The following KCNJ6 variants were observed in gnomAD, a reference collection of about 807,000 sequenced individuals.
The protein encoded by KCNJ6 is G protein-activated inward rectifier potassium channel 2.
In KCNJ6, 9 loss-of-function variants were observed where a neutral mutation model predicts 34.2. The observed-to-expected ratio is 0.26, with a 90% CI of 0.16 to 0.46. The LOEUF (loss-of-function observed/expected upper bound fraction) is 0.46. KCNJ6 is among the 20% of genes least tolerant of loss of function. The pLI is 1.00. For synonymous variants in KCNJ6, 196 were observed against 207.1 expected, an observed-to-expected ratio of 0.95 and a Z score of 0.46; for missense variants, 236 against 531.3, an observed-to-expected ratio of 0.44 and a Z score of 5.46.
chr21:37,770,777 T>A (rs1463604997), intron 2 of KCNJ6, among the ~76,000 whole-genome samples: 1 of 152,220 alleles, frequency 6.6e-6, no homozygotes, highest in African/African-American at 2.4e-5. Context: ...ATGAAGATTG[T>A]AATAGTTATA....
intron 1 of KCNJ6, among the ~76,000 whole-genome samples, chr21:37,892,386 C>T (rs2055766495): frequency 6.6e-6 from 1 of 152,180 alleles, no homozygotes; most frequent in African/African-American, 2.4e-5. Flanking sequence ...ATATTTCAAG[C>T]ATTCAGGAAA....
rs1483551024 is a variant in KCNJ6 at position 37,675,634 on chromosome 21, A to G, written c.946+38577T>C. Among the ~76,000 whole-genome samples, 1 of 152,260 alleles carries G rather than the reference A, an allele frequency of 6.6e-6. No homozygotes were observed. The highest frequency in any genetic ancestry group is 1.5e-5 in the Non-Finnish European group (1 of 68,034). ...CGGCCCCAGGAGAGGCCGTGTGGCC[A>G]TAAAAGGGCTGACCTCCTGATTCGG... On this transcript the variant is annotated intron_variant, in intron 3 of 3. Transcript: ENST00000609713. The surrounding 1 kb of genome is among the most constrained non-coding windows in gnomAD (Gnocchi z 4.2).
intron 2 of KCNJ6, among the ~76,000 whole-genome samples, chr21:37,817,179 G>T (rs769914998): frequency 3.9e-5 from 6 of 152,162 alleles, no homozygotes. Flanking sequence ...AACAAAAATG[G>T]CTCTTAGAAT....
At chr21:37,725,261 T>G (rs377761920) in intron 2 of KCNJ6, among the ~76,000 whole-genome samples, 1 of 152,122 alleles carries the variant, frequency 6.6e-6, no homozygotes, top group East Asian at 1.9e-4. Context: ...GGCATGGTGG[T>G]GCGTGCTGGT....
chr21:37,808,712 A>C (rs1351267745), intron 2 of KCNJ6, among the ~76,000 whole-genome samples: 1 of 152,184 alleles, frequency 6.6e-6, no homozygotes, highest in Non-Finnish European at 1.5e-5. Context: ...ACACCCAGAG[A>C]CAGAAGCCAC....
chr21:37,759,431 C>G (rs931089782), intron 2 of KCNJ6, among the ~76,000 whole-genome samples: 1 of 152,218 alleles, frequency 6.6e-6, no homozygotes, highest in African/African-American at 2.4e-5. Flanking sequence ...ATCCCTGTTA[C>G]AGCAGCACCT....
intron 1 of KCNJ6, among the ~76,000 whole-genome samples, chr21:37,911,671 GTCCATT>G (rs1226566919): frequency 6.6e-6 from 1 of 151,952 alleles, no homozygotes; most frequent in African/African-American, 2.4e-5. Flanking sequence ...CCTATTTCTG[GTCCATT>G]TCCATTTCCA....
intron 3 of KCNJ6, among the ~76,000 whole-genome samples, chr21:37,704,188 G>GA (rs2123440280): frequency 6.6e-6 from 1 of 151,650 alleles, no homozygotes; most frequent in South Asian, 2.1e-4. Context: ...GAAAGTGCTT[G>GA]AAAATCTCTC....
intron 1 of KCNJ6, among the ~76,000 whole-genome samples, chr21:37,897,539 C>G (rs906738111): frequency 6.6e-5 from 10 of 152,234 alleles, no homozygotes; most frequent in African/African-American, 1.9e-4. Flanking sequence ...CACCTATGGT[C>G]CTGATCCTGG....
At chr21:37,838,851 A>T (rs1461001078) in intron 2 of KCNJ6, among the ~76,000 whole-genome samples, 2 of 152,190 alleles carry the variant, frequency 1.3e-5, no homozygotes, top group Non-Finnish European at 2.9e-5. Context: ...AGATGATTTG[A>T]TCACGGGGGC....
chr21:37,610,598 T>TGA lies in KCNJ6; in HGVS notation c.*14560_*14561insTC, dbSNP rs1556008029. The TGA allele has an allele frequency of 1.3e-5, 1 of 77,474 alleles. No individual in the cohort carries two copies. The highest frequency in any genetic ancestry group is 2.2e-5 in the Non-Finnish European group (1 of 45,232). 4.8% of individuals were successfully genotyped at this position (77,474 alleles called of 1,614,324 possible). A position where few individuals can be genotyped will look rare whatever the true frequency, so the allele number is the denominator to read the frequency against. On this transcript the variant is annotated 3_prime_UTR_variant, in exon 4 of 4. Transcript: ENST00000609713. The stretch of plus-strand genomic sequence containing the variant: ...TGGGCAACAGAGTGAGACTCTGTCT[T>TGA]AAAAAAAAAAAAAAAAAAAAAAGGA...
intron 3 of KCNJ6, among the ~76,000 whole-genome samples, chr21:37,661,663 G>A (rs1430707230): frequency 3.6e-5 from 4 of 111,382 alleles, no homozygotes; most frequent in East Asian, 2.9e-4. Context: ...TCTCTCTGTC[G>A]CCCAGGCTGG....
intron 1 of KCNJ6, among the ~76,000 whole-genome samples, chr21:37,899,619 T>C (rs886585038): frequency 6.6e-6 from 1 of 152,182 alleles, no homozygotes; most frequent in African/African-American, 2.4e-5. Flanking sequence ...TGGTAGTGTC[T>C]GGGAGAATGC....
At chr21:37,851,897 TTC>T (rs1188441916) in intron 1 of KCNJ6, among the ~76,000 whole-genome samples, 1 of 136,816 alleles carries the variant, frequency 7.3e-6, no homozygotes, top group Non-Finnish European at 1.7e-5. Flanking sequence ...GCTCTCTGAG[TTC>T]TTTTTTTTTT....
rs1040929801 is a variant in KCNJ6, at chr21:37,612,873, T to G, written c.*12286A>C. 2.6e-5 allele frequency: 4 copies of G among 152,104 alleles called. No individual in the cohort carries two copies. Among genetic ancestry groups the G allele is most frequent in the African/African-American group, 9.7e-5 (4 of 41,424 alleles). The allele number at this position is 152,104 out of a possible 1,614,324, so 9.4% of individuals were successfully genotyped here. ...ATATAAGAGAAAACTTAGATGACCTTGGATATGGCAATAGATTTTTAGATA... is the reference window on the plus strand; with the variant it reads ...ATATAAGAGAAAACTTAGATGACCTGGGATATGGCAATAGATTTTTAGATA... On this transcript the variant is annotated 3_prime_UTR_variant, in exon 4 of 4. Transcript: ENST00000609713.
At chr21:37,632,848 A>G (rs2054339936) in intron 3 of KCNJ6, among the ~76,000 whole-genome samples, 1 of 152,186 alleles carries the variant, frequency 6.6e-6, no homozygotes, top group Non-Finnish European at 1.5e-5. Flanking sequence ...GCCAGTGATT[A>G]AAAACTTGCC....
At chr21:37,694,300 A>G (rs1271930283) in intron 3 of KCNJ6, among the ~76,000 whole-genome samples, 3 of 152,328 alleles carry the variant, frequency 2.0e-5, no homozygotes, top group African/African-American at 7.2e-5. Context: ...ACCTTCACTC[A>G]GACCCTTGAC....
intron 2 of KCNJ6, among the ~76,000 whole-genome samples, chr21:37,758,527 T>G (rs997050018): frequency 6.6e-5 from 10 of 152,232 alleles, no homozygotes; most frequent in Non-Finnish European, 1.3e-4. Flanking sequence ...TTCAAGATTA[T>G]CGACCATTCA....
intron 2 of KCNJ6, among the ~76,000 whole-genome samples, chr21:37,788,127 G>T (rs1272905146): frequency 6.6e-6 from 1 of 152,194 alleles, no homozygotes; most frequent in African/African-American, 2.4e-5. Flanking sequence ...AGTGGTTATT[G>T]ATCACATAAT....
Sources: gnomAD v4.1 joint callset for allele counts (sites outside exome capture counted in the v4.1 genomes callset) on GRCh38, gnomAD v4.1.1 for gene constraint, Gnocchi (gnomAD v3.1) non-coding constraint, MANE v1.5 for transcripts, NCBI Gene and HGNC (gene_info 2026-07-23, HGNC 2026-07-21) for gene names.